Variants in GOLIM4 observed in about 807,000 individuals in gnomAD.
The protein encoded by GOLIM4 is 130 kDa golgi-localized phosphoprotein.
Under a neutral mutation model 107.4 loss-of-function variants are expected in GOLIM4, and 71 were observed. The observed-to-expected ratio is 0.66, with a 90% CI of 0.55 to 0.81. The LOEUF (loss-of-function observed/expected upper bound fraction) is 0.81, where lower values mean the gene tolerates loss of function less well. Ranked by LOEUF, GOLIM4 falls within the 30% of genes least tolerant of loss-of-function variation. The pLI, the probability that GOLIM4 is intolerant of heterozygous loss-of-function variation, is 0.00. For missense variants in GOLIM4, 830 were observed against 826.1 expected (o/e 1.00, Z -0.06); for synonymous variants, 327 against 294.8 (o/e 1.11, Z -1.12).
chr3:168,026,428 G>A (rs553192158), intron 12 of GOLIM4, among the ~76,000 whole-genome samples: 4 of 152,160 alleles, frequency 2.6e-5, no homozygotes, highest in African/African-American at 9.7e-5. Flanking sequence ...CAGTTGTTAC[G>A]TTCAAATAAA....
chr3:168,028,011 A>T (rs1303753072), intron 11 of GOLIM4, among the ~76,000 whole-genome samples, 174 bp from the exon 12 acceptor site: 2 of 152,220 alleles, frequency 1.3e-5, no homozygotes, highest in African/African-American at 4.8e-5. Context: ...TTCTCTTCAC[A>T]GACTGTGTGT....
intron 1 of GOLIM4, among the ~76,000 whole-genome samples, chr3:168,077,979 T>G (rs1721153681): frequency 6.6e-6 from 1 of 151,996 alleles, no homozygotes. Context: ...ATATATTTAT[T>G]TATTTATTTA....
At chr3:168,072,977 T>C (rs1234909924) in intron 1 of GOLIM4, among the ~76,000 whole-genome samples, 1 of 152,192 alleles carries the variant, frequency 6.6e-6, no homozygotes, top group African/African-American at 2.4e-5. Context: ...GATTAAATAA[T>C]TTACCATTTC....
intron 14 of GOLIM4, among the ~76,000 whole-genome samples, chr3:168,021,558 C>T (rs904688177): frequency 2.0e-5 from 3 of 151,812 alleles, no homozygotes; most frequent in Non-Finnish European, 2.9e-5. Context: ...GCCAGCTACT[C>T]GGGAGGCTGA....
At chr3:168,041,919 A>G (rs1719028215) in intron 5 of GOLIM4, among the ~76,000 whole-genome samples, 1 of 152,122 alleles carries the variant, frequency 6.6e-6, no homozygotes, top group Non-Finnish European at 1.5e-5. Flanking sequence ...ATAATCAGAA[A>G]GTATAGACCC....
intron 12 of GOLIM4, among the ~76,000 whole-genome samples, chr3:168,027,149 G>T (rs1718037999): frequency 1.3e-5 from 2 of 152,106 alleles, no homozygotes; most frequent in Non-Finnish European, 2.9e-5. Flanking sequence ...CAACAATGCT[G>T]GTTATTAGAT....
intron 1 of GOLIM4, among the ~76,000 whole-genome samples, chr3:168,057,878 G>A (rs552085956): frequency 6.6e-6 from 1 of 152,138 alleles, no homozygotes; most frequent in Non-Finnish European, 1.5e-5. Flanking sequence ...GAATGCACTT[G>A]GAAGAGATTT....
intron 13 of GOLIM4, 119 bp from the exon 14 acceptor site, chr3:168,024,713 G>T: frequency 3.3e-6 from 3 of 900,032 alleles, no homozygotes; most frequent in Non-Finnish European, 3.6e-6. Flanking sequence ...AGCGTCTGTG[G>T]CCAGGAAATG....
intron 12 of GOLIM4, among the ~76,000 whole-genome samples, 199 bp from the exon 13 acceptor site, chr3:168,025,294 T>C (rs1717935282): frequency 6.6e-6 from 1 of 152,228 alleles, no homozygotes; most frequent in African/African-American, 2.4e-5. Flanking sequence ...AGAGGCTTGA[T>C]GAATCAGAAT....
chr3:168,048,181 T>G (rs926978743), intron 2 of GOLIM4, 110 bp downstream of exon 2: 2 of 675,968 alleles, frequency 3.0e-6, no homozygotes, highest in African/African-American at 3.7e-5. Context: ...TATCTGACTT[T>G]GGGTTGATTT....
At chr3:168,084,948 C>T (rs989565498) in intron 1 of GOLIM4, among the ~76,000 whole-genome samples, 7 of 150,874 alleles carry the variant, frequency 4.6e-5, no homozygotes, top group African/African-American at 1.7e-4. Context: ...CTTATAGTTA[C>T]ATGGAAATTA....
chr3:168,038,923 A>G (rs558783681), intron 7 of GOLIM4, among the ~76,000 whole-genome samples: 1 of 152,326 alleles, frequency 6.6e-6, no homozygotes, highest in African/African-American at 2.4e-5. Context: ...GGGATCCAGG[A>G]GAGCTTTCTT....
intron 14 of GOLIM4, among the ~76,000 whole-genome samples, chr3:168,018,516 C>T (rs55637881): frequency 0.3 from 45,061 of 152,072 alleles, 12,680 homozygotes; most frequent in African/African-American, 0.75. Flanking sequence ...ACAAAGGCAT[C>T]GAATATCTAT....
At chr3:168,067,180 A>C (rs897215288) in intron 1 of GOLIM4, among the ~76,000 whole-genome samples, 5 of 152,148 alleles carry the variant, frequency 3.3e-5, no homozygotes, top group Admixed American at 1.3e-4. Flanking sequence ...ATTAAATGCC[A>C]CTCCTAATGA....
intron 14 of GOLIM4, among the ~76,000 whole-genome samples, chr3:168,023,422 T>A (rs112943604): frequency 1.3e-5 from 2 of 152,358 alleles, no homozygotes; most frequent in Non-Finnish European, 2.9e-5. Flanking sequence ...AAGAGCAACA[T>A]CCTTTTCTGT....
intron 1 of GOLIM4, among the ~76,000 whole-genome samples, chr3:168,066,958 C>T (rs1720581703): frequency 6.6e-6 from 1 of 152,084 alleles, no homozygotes; most frequent in Non-Finnish European, 1.5e-5. Context: ...TGATTCAAGA[C>T]AGTAGGATAA....
chr3:168,021,976 G>A (rs1385727131), intron 14 of GOLIM4, among the ~76,000 whole-genome samples: 1 of 152,200 alleles, frequency 6.6e-6, no homozygotes, highest in African/African-American at 2.4e-5. Context: ...CGTTTGGAAT[G>A]TAAGCAACGT....
chr3:168,055,679 G>C (rs1465971643), intron 1 of GOLIM4, among the ~76,000 whole-genome samples: 1 of 152,010 alleles, frequency 6.6e-6, no homozygotes. Context: ...GCAGGTACCT[G>C]TAGTCCCAGC....
At chr3:168,044,507 C>G (rs938525152) in intron 4 of GOLIM4, among the ~76,000 whole-genome samples, 2 of 152,004 alleles carry the variant, frequency 1.3e-5, no homozygotes, top group Admixed American at 6.6e-5. Flanking sequence ...AAGAAAATGT[C>G]TAAGGAAAAC....
Sources: gnomAD v4.1 joint callset for allele counts (sites outside exome capture counted in the v4.1 genomes callset) on GRCh38, gnomAD v4.1.1 for gene constraint, MANE v1.5 for transcripts, NCBI Gene and HGNC (gene_info 2026-07-23, HGNC 2026-07-21) for gene names.